TMEM109: variants seen among roughly 807,000 people sequenced by gnomAD.
The protein encoded by TMEM109 is voltage-gated monoatomic cation channel TMEM109.
TMEM109 carries 19 observed loss-of-function variants against 26.4 expected under a neutral mutation model. The ratio of observed to expected loss-of-function variants is 0.72; its 90% confidence interval spans 0.50 to 1.06. TMEM109 has a LOEUF of 1.06. Among genes scored for constraint, TMEM109 ranks in the 50% least tolerant of loss-of-function variants. TMEM109 has a pLI of 0.00. For synonymous variants in TMEM109, 129 were observed against 142.0 expected (o/e 0.91, Z 0.65); for missense variants, 262 against 303.4 (o/e 0.86, Z 1.01).
In TMEM109 at chr11:60,922,846, T is replaced by TACAGCC. The variant is rs1316029916; in HGVS notation, c.*682_*683insCAGCCA. The TACAGCC allele has an allele frequency of 6.3e-6, 1 of 157,534 alleles. No individual in the cohort carries two copies. Among genetic ancestry groups the TACAGCC allele is most frequent in the Non-Finnish European group, 1.4e-5 (1 of 70,864 alleles). 9.8% of individuals were successfully genotyped at this position (157,534 alleles called of 1,614,324 possible). A position where few individuals can be genotyped will look rare whatever the true frequency, so the allele number is the denominator to read the frequency against. On this transcript the variant is annotated 3_prime_UTR_variant, in exon 4 of 4. Transcript: ENST00000227525. ...TGCTTGCCTGCTGCCATACTGTATG[T>TACAGCC]AGGAAAGTGTTCTGTGGCTGCTTTG... is the stretch of plus-strand genomic sequence containing the variant.
chr11:60,915,651 A>G (rs1055469676), intron 1 of TMEM109, among the ~76,000 whole-genome samples: 1 of 152,146 alleles, frequency 6.6e-6, no homozygotes, highest in Admixed American at 6.5e-5. Flanking sequence ...GAGCCGGTAG[A>G]GGGCACTTTT....
In TMEM109 at chr11:60,922,316, A is replaced by G. The variant is rs1856254585; in HGVS notation, c.*151A>G. The stretch of plus-strand genomic sequence containing the variant: ...TGCCGCAGCCCCACTAGCCAAGAGA[A>G]ACAGAGAAAGACCATTCCCCCTGCC... On this transcript the variant is annotated 3_prime_UTR_variant, in exon 4 of 4. Transcript: ENST00000227525. The G allele has an allele frequency of 6.5e-7, 1 of 1,538,178 alleles. No homozygotes were observed. Among genetic ancestry groups the G allele is most frequent in the Non-Finnish European group, 8.7e-7 (1 of 1,146,690 alleles).
At chr11:60,920,666 G>A (rs1856225501) in intron 2 of TMEM109, among the ~76,000 whole-genome samples, 1 of 152,216 alleles carries the variant, frequency 6.6e-6, no homozygotes, top group South Asian at 2.1e-4. Flanking sequence ...TCAGGAAGGA[G>A]AGACAGCCTG....
At chr11:60,921,468 A>G (rs1361728826) in intron 3 of TMEM109, among the ~76,000 whole-genome samples, 2 of 152,158 alleles carry the variant, frequency 1.3e-5, no homozygotes, top group East Asian at 3.9e-4. Flanking sequence ...CCAGTTGTTC[A>G]CTTCCTATCA....
intron 1 of TMEM109, 128 bp from the exon 2 acceptor site, chr11:60,919,558 A>G: frequency 1.3e-6 from 1 of 743,556 alleles, no homozygotes; most frequent in East Asian, 2.6e-5. Flanking sequence ...AGCTAACAGC[A>G]CTTTCTTTCC....
chr11:60,919,974 A>C (rs1856217160), intron 2 of TMEM109, 44 bp downstream of exon 2: 1 of 1,551,484 alleles, frequency 6.4e-7, no homozygotes, highest in Admixed American at 1.7e-5. Context: ...TTAAGGAAAA[A>C]TAAAAGAAGA....
chr11:60,915,928 T>C (rs888398523), intron 1 of TMEM109, among the ~76,000 whole-genome samples: 3 of 152,192 alleles, frequency 2.0e-5, no homozygotes, highest in African/African-American at 7.2e-5. Context: ...GTCTCCCACC[T>C]TTTGCTGTCC....
At chr11:60,918,598 C>CTTTTT (rs34970555) in intron 1 of TMEM109, 2 of 141,574 alleles carry the variant, frequency 1.4e-5, no homozygotes, top group Non-Finnish European at 1.5e-5. Context: ...AAATTTCTTT[C>CTTTTT]TTTTTTTTTT....
chr11:60,922,395 C>A lies in TMEM109; in HGVS notation c.*230C>A, dbSNP rs563364012. The stretch of plus-strand genomic sequence containing the variant: ...CTCTGTCTGGGGTTGGCTCTCTTAA[C>A]CCTTTCTCTGCTCCCAGCCTGCCTC... On this transcript the variant is annotated 3_prime_UTR_variant, in exon 4 of 4. Transcript: ENST00000227525. 25 of 1,523,952 alleles carry A rather than the reference C, an allele frequency of 1.6e-5. No individual in the cohort carries two copies. The South Asian group carries it at 2.8e-4, about 17-fold the overall frequency. The allele number at this position is 1,523,952 out of a possible 1,614,324, so 94.4% of individuals were successfully genotyped here.
rs771522908 is a variant in TMEM109, at chr11:60,920,999, G to A, written c.340+11G>A. ...CCTTGGGACTAGCTGGTGAGTGTTC[G>A]AGTGCTGGGTAGTCAGCCAGAGCTT... On this transcript the variant is annotated intron_variant, in intron 3 of 3. Transcript: ENST00000227525. The A allele has an allele frequency of 6.2e-6, 10 of 1,611,044 alleles. No homozygotes were observed. The African/African-American group carries it at 6.7e-5, about 11-fold the overall frequency.
rs1856270930 is a variant in TMEM109 at position 60,923,146 on chromosome 11, C to A, written c.*981C>A. The A allele has an allele frequency of 6.6e-6, 1 of 152,596 alleles. No homozygotes were observed. The highest frequency in any genetic ancestry group is 6.5e-5 in the Admixed American group (1 of 15,286). The allele number at this position is 152,596 out of a possible 1,614,324, so 9.5% of individuals were successfully genotyped here. A position where few individuals can be genotyped will look rare whatever the true frequency, so the allele number is the denominator to read the frequency against. On this transcript the variant is annotated 3_prime_UTR_variant, in exon 4 of 4. Coordinates refer to ENST00000227525, the MANE Select transcript of TMEM109 (RefSeq NM_024092.3). ...CAGCCCGGGAGGAACACAGGCAGCT[C>A]CTTTCCCTTCACGTGGTCTGCAGAG...
At chr11:60,920,838 G>A (rs1426847668) in intron 2 of TMEM109, 48 bp from the exon 3 acceptor site, 1 of 1,499,350 alleles carries the variant, frequency 6.7e-7, no homozygotes, top group Non-Finnish European at 9.3e-7. Context: ...GTGAAGGCGA[G>A]GACCGTTGTT....
In TMEM109 at chr11:60,915,445, G is replaced by A. The variant is rs564177689; in HGVS notation, c.-9+1177G>A. On this transcript the variant is annotated intron_variant, in intron 1 of 3. Coordinates refer to ENST00000227525, the MANE Select transcript of TMEM109 (RefSeq NM_024092.3). ...CTTTGCTTAGACTTTTCCCTGAGCTGCTGGCTATGCATCCGAAATTCCTGA... is the reference window on the plus strand; with the variant it reads ...CTTTGCTTAGACTTTTCCCTGAGCTACTGGCTATGCATCCGAAATTCCTGA... Among the ~76,000 whole-genome samples the A allele has an allele frequency of 8.5e-5, 13 of 152,360 alleles. No homozygotes were observed. In the South Asian group the frequency reaches 1.2e-3, roughly 15 times the overall value.
rs759289092 is a variant in TMEM109 at position 60,922,069 on chromosome 11, C to T, written c.636C>T (p.Leu212=). ...LTGSRASGAQ[L]EAKVRGLERQ... The stretch of plus-strand genomic sequence containing the variant: ...GCTCCCGAGCCTCTGGGGCCCAACT[C>T]GAGGCCAAGGTGCGAGGGCTGGAAC... Residue 212 remains leucine, a synonymous_variant, in exon 4 of 4, where the codon CTC becomes CTT. Coordinates refer to ENST00000227525, the MANE Select transcript of TMEM109 (RefSeq NM_024092.3). The T allele has an allele frequency of 5.1e-5, 82 of 1,613,374 alleles. No homozygotes were observed. The East Asian group carries it at 1.0e-3, about 21-fold the overall frequency.
At chr11:60,916,880 TG>T (rs1294961913) in intron 1 of TMEM109, among the ~76,000 whole-genome samples, 1 of 152,184 alleles carries the variant, frequency 6.6e-6, no homozygotes, top group Admixed American at 6.5e-5. Context: ...TCCCTCCTGG[TG>T]GAGGTCCTTG....
Position 60,921,988 on chromosome 11 carries a change from G to T in TMEM109, c.555G>T (p.Arg185=). 6.2e-7 allele frequency: 1 copy of T among 1,613,450 alleles called. No homozygotes were observed. Among genetic ancestry groups the T allele is most frequent in the South Asian group, 1.1e-5 (1 of 91,088 alleles). The change falls in exon 4 of 4, where the codon CGG becomes CGT. Residue 185 remains arginine (R), a synonymous_variant. Coordinates refer to ENST00000227525, the MANE Select transcript of TMEM109 (RefSeq NM_024092.3). ...GGTCGGTGCCTGACCCTTCCACCCG[G>T]GCCCTGCTACTCCTGGCCTTGCTGA... ...LMRSVPDPST[R]ALLLLALLIL...
Position 60,922,420 on chromosome 11 carries a change from C to T in TMEM109, c.*255C>T. The T allele has an allele frequency of 6.7e-7, 1 of 1,490,026 alleles. No homozygotes were observed. Among genetic ancestry groups the T allele is most frequent in the Non-Finnish European group, 9.0e-7 (1 of 1,112,218 alleles). 92.3% of individuals were successfully genotyped at this position (1,490,026 alleles called of 1,614,324 possible). A position where few individuals can be genotyped will look rare whatever the true frequency, so the allele number is the denominator to read the frequency against. On this transcript the variant is annotated 3_prime_UTR_variant, in exon 4 of 4. Coordinates refer to ENST00000227525, the MANE Select transcript of TMEM109 (RefSeq NM_024092.3). ...CCCTTTCTCTGCTCCCAGCCTGCCT[C>T]ACCAGGGAAGGTTGGAGGGGCCTCC...
chr11:60,921,645 C>G (rs747248259), intron 3 of TMEM109, 129 bp from the exon 4 acceptor site: 4 of 720,576 alleles, frequency 5.6e-6, no homozygotes, highest in Non-Finnish European at 9.5e-6. Flanking sequence ...ACCCATATCA[C>G]TCTGAGTCTG....
intron 2 of TMEM109, 113 bp downstream of exon 2, chr11:60,920,043 A>C: frequency 1.2e-6 from 1 of 850,118 alleles, no homozygotes. Context: ...AGAGAGCCCC[A>C]AATTCCACAA....
Sources: gnomAD v4.1 joint callset for allele counts (sites outside exome capture counted in the v4.1 genomes callset) on GRCh38, gnomAD v4.1.1 for gene constraint, MANE v1.5 for transcripts, NCBI Gene and HGNC (gene_info 2026-07-23, HGNC 2026-07-21) for gene names.